Variants in FAM227A observed in about 807,000 individuals in gnomAD.
The protein encoded by FAM227A is protein FAM227A.
Under a neutral mutation model 74.7 loss-of-function variants are expected in FAM227A, and 80 were observed. That is an observed-to-expected ratio of 1.07 (90% confidence interval 0.89 to 1.29). FAM227A has a LOEUF of 1.29. Ranked by LOEUF, FAM227A falls within the 50% of genes most tolerant of loss-of-function variation. The pLI is 0.00. For synonymous variants in FAM227A, 237 were observed against 241.8 expected (o/e 0.98, Z 0.19); for missense variants, 654 against 683.4 (o/e 0.96, Z 0.48).
Position 38,594,677 on chromosome 22 carries a change from T to C in FAM227A, c.1532+2527A>G, listed in dbSNP as rs187601464. 2.4e-4 allele frequency among the ~76,000 whole-genome samples: 37 copies of C among 152,262 alleles called. No individual in the cohort carries two copies. The East Asian group carries it at 6.0e-3, about 25-fold the overall frequency. On this transcript the variant is annotated intron_variant, in intron 15 of 16. Coordinates refer to ENST00000535113, the MANE Select transcript of FAM227A (RefSeq NM_001013647.2). Reference sequence around the variant, plus strand: ...CCATAGTATTTTATAAATAACTCAATTGTGGCCGGGTGCGGTGGCTCATGC... The same window carrying C: ...CCATAGTATTTTATAAATAACTCAACTGTGGCCGGGTGCGGTGGCTCATGC...
chr22:38,636,302 G>C (rs1569230036), intron 6 of FAM227A, 149 bp downstream of exon 6: 1 of 746,918 alleles, frequency 1.3e-6, no homozygotes, highest in Non-Finnish European at 2.1e-6. Flanking sequence ...TTTGCAGTGA[G>C]GTTGGGCTAG....
chr22:38,595,579 T>C (rs1602863279), intron 15 of FAM227A, among the ~76,000 whole-genome samples: 1 of 152,168 alleles, frequency 6.6e-6, no homozygotes, highest in Non-Finnish European at 1.5e-5. Context: ...TGAAAGATGT[T>C]GGGGAAGCAC....
At chr22:38,642,875 G>A (rs968985683) in intron 3 of FAM227A, among the ~76,000 whole-genome samples, 1 of 152,182 alleles carries the variant, frequency 6.6e-6, no homozygotes, top group Non-Finnish European at 1.5e-5. Context: ...GGTGGAGGTT[G>A]CAGTGAGTCC....
intron 11 of FAM227A, among the ~76,000 whole-genome samples, chr22:38,617,292 C>CTTT (rs35990617): frequency 6.0e-5 from 7 of 116,156 alleles, no homozygotes; most frequent in South Asian, 5.5e-4. Context: ...TGAGAACAGA[C>CTTT]TTTTTTTTTT....
chr22:38,655,355 C>T (rs891272795), intron 1 of FAM227A, among the ~76,000 whole-genome samples: 2 of 150,882 alleles, frequency 1.3e-5, no homozygotes, highest in Non-Finnish European at 2.9e-5. Flanking sequence ...CATGGTGAAA[C>T]GCCATCTCTA....
intron 16 of FAM227A, 194 bp downstream of exon 16, chr22:38,591,241 T>C (rs2090926965): frequency 1.2e-5 from 13 of 1,119,050 alleles, no homozygotes; most frequent in Non-Finnish European, 1.3e-5. Context: ...GGAGGATTGC[T>C]TGAGCCCAGG....
chr22:38,654,380 T>C (rs1280919068), intron 1 of FAM227A, among the ~76,000 whole-genome samples: 20 of 150,804 alleles, frequency 1.3e-4, no homozygotes, highest in Admixed American at 1.3e-3. Context: ...GCGGAAATAA[T>C]ATGCCATCCA....
intron 11 of FAM227A, among the ~76,000 whole-genome samples, chr22:38,618,121 T>C (rs1458736205): frequency 6.6e-6 from 1 of 152,140 alleles, no homozygotes; most frequent in Non-Finnish European, 1.5e-5. Flanking sequence ...GTGAAGGGGG[T>C]TAGAATCTGC....
chr22:38,592,177 G>T (rs918036177), intron 15 of FAM227A, among the ~76,000 whole-genome samples: 12 of 151,958 alleles, frequency 7.9e-5, no homozygotes, highest in Non-Finnish European at 1.2e-4. Context: ...TCGATTTCCT[G>T]ACCTCATGAT....
At chr22:38,645,087 AAAATAAAT>A (rs61622403) in intron 3 of FAM227A, among the ~76,000 whole-genome samples, 6,238 of 149,912 alleles carry the variant, frequency 0.042, 198 homozygotes, top group East Asian at 0.11. Flanking sequence ...CTCTGTCTCA[AAAATAAAT>A]AAATAAAGTT....
intron 11 of FAM227A, among the ~76,000 whole-genome samples, chr22:38,612,162 A>G (rs893004631): frequency 6.6e-6 from 1 of 152,078 alleles, no homozygotes; most frequent in Non-Finnish European, 1.5e-5. Context: ...TGCCCCTCCA[A>G]TACATCCTCC....
chr22:38,589,234 C>A (rs577749413), intron 16 of FAM227A, among the ~76,000 whole-genome samples: 2 of 152,082 alleles, frequency 1.3e-5, no homozygotes, highest in African/African-American at 2.4e-5. Flanking sequence ...GGCAACCGCA[C>A]GAAGCTAGGG....
chr22:38,648,800 C>T (rs1216811480), intron 2 of FAM227A, among the ~76,000 whole-genome samples: 2 of 151,670 alleles, frequency 1.3e-5, no homozygotes, highest in East Asian at 1.9e-4. Flanking sequence ...TGGTGAAACC[C>T]CGTCTCTACT....
rs2090696308 is a variant in FAM227A at position 38,580,339 on chromosome 22, T to C, written c.*5786A>G. ...CTGGAGTTTTCCATGGCCTGGATTT[T>C]GCTGATTGCATCCCCTAGGTGTCAT... is the stretch of plus-strand genomic sequence containing the variant. On this transcript the variant is annotated 3_prime_UTR_variant, in exon 17 of 17. Coordinates refer to ENST00000535113, the MANE Select transcript of FAM227A (RefSeq NM_001013647.2). 6.6e-6 allele frequency: 1 copy of C among 152,252 alleles called. No homozygotes were observed. Among genetic ancestry groups the C allele is most frequent in the Non-Finnish European group, 1.5e-5 (1 of 68,058 alleles). 9.4% of individuals were successfully genotyped at this position (152,252 alleles called of 1,614,324 possible).
At chr22:38,631,342 C>A (rs946946370) in intron 6 of FAM227A, among the ~76,000 whole-genome samples, 1 of 151,716 alleles carries the variant, frequency 6.6e-6, no homozygotes, top group African/African-American at 2.4e-5. Flanking sequence ...ACACTGGGTA[C>A]GCGTGGACAT....
intron 11 of FAM227A, among the ~76,000 whole-genome samples, chr22:38,610,933 A>G (rs1178641369): frequency 2.6e-5 from 4 of 151,916 alleles, no homozygotes; most frequent in Non-Finnish European, 5.9e-5. Context: ...GGTGGCAGGC[A>G]CCTGTAACCC....
chr22:38,593,361 C>T lies in FAM227A; in HGVS notation c.1533-1821G>A, dbSNP rs144039071. 2.0e-3 allele frequency among the ~76,000 whole-genome samples: 310 copies of T among 152,128 alleles called. 2 individuals are homozygous for T. Among genetic ancestry groups the T allele is most frequent in the African/African-American group, 7.1e-3 (296 of 41,514 alleles). On this transcript the variant is annotated intron_variant, in intron 15 of 16. Coordinates refer to ENST00000535113, the MANE Select transcript of FAM227A (RefSeq NM_001013647.2). Reference sequence around the variant, plus strand: ...CTACTAAAAATACAAAAAAATTAGCCGGGCATGGTGGCGGACACCTGCAGT... The same window carrying T: ...CTACTAAAAATACAAAAAAATTAGCTGGGCATGGTGGCGGACACCTGCAGT...
chr22:38,649,734 G>A (rs1217664539), intron 2 of FAM227A, among the ~76,000 whole-genome samples: 1 of 151,736 alleles, frequency 6.6e-6, no homozygotes, highest in African/African-American at 2.4e-5. Flanking sequence ...CAGGTGTGGT[G>A]GCAGGCACCT....
chr22:38,583,170 A>ATTT lies in FAM227A; in HGVS notation c.*2954_*2955insAAA. ...ACACGTTCTGGTTTCAGAAGACTAT[A>ATTT]CTTTTTTTTTTTTTTTTTTGAGATG... On this transcript the variant is annotated 3_prime_UTR_variant, in exon 17 of 17. Transcript: ENST00000535113. The ATTT allele has an allele frequency of 2.8e-6, 1 of 357,912 alleles. No individual in the cohort carries two copies. 22.2% of individuals were successfully genotyped at this position (357,912 alleles called of 1,614,324 possible).
Sources: allele counts gnomAD v4.1 joint callset (sites outside exome capture counted in the v4.1 genomes callset), GRCh38; gene constraint gnomAD v4.1.1; transcripts MANE v1.5; gene names NCBI Gene and HGNC (gene_info 2026-07-23, HGNC 2026-07-21).